Variants in COL14A1 observed in about 807,000 individuals in gnomAD.
COL14A1 encodes the protein collagen alpha-1(XIV) chain.
In COL14A1, 136 loss-of-function variants were observed where a neutral mutation model predicts 230.3. That is an observed-to-expected ratio of 0.59 (90% CI 0.51 to 0.68). COL14A1 has a LOEUF of 0.68. COL14A1 is among the 30% of genes least tolerant of loss of function. The pLI, the probability that COL14A1 is intolerant of heterozygous loss-of-function variation, is 0.00. For missense variants in COL14A1, 1,976 were observed against 2,215.8 expected (o/e 0.89, Z 2.17); for synonymous variants, 792 against 784.1 (o/e 1.01, Z -0.17).
chr8:120,265,865 C>T (rs911916127), intron 24 of COL14A1, among the ~76,000 whole-genome samples: 1 of 151,864 alleles, frequency 6.6e-6, no homozygotes, highest in African/African-American at 2.4e-5. Context: ...ACCTCTTAGC[C>T]TTCCTGACAA....
rs1401389398 is a variant in COL14A1 at position 120,147,878 on chromosome 8, G to A, written c.36G>A (p.Leu12=). 4.3e-6 allele frequency: 7 copies of A among 1,613,862 alleles called. No individual in the cohort carries two copies. The highest frequency in any genetic ancestry group is 8.5e-7 in the Non-Finnish European group (1 of 1,179,964). The change falls in exon 2 of 48, where the codon TTG becomes TTA. Residue 12 remains leucine (L), a synonymous_variant. Transcript: ENST00000297848. ...TCCAGCGCAAGATGCGGTACTGGTT[G>A]CTTCCACCTTTTTTGGCAATTGTTT... ...KIFQRKMRYW[L]LPPFLAIVYF... is the part of the protein sequence containing the mutation.
chr8:120,351,298 A>T (rs1212372577), intron 45 of COL14A1, among the ~76,000 whole-genome samples: 3 of 142,708 alleles, frequency 2.1e-5, no homozygotes, highest in Non-Finnish European at 4.6e-5. Flanking sequence ...AAGATCCAAA[A>T]TTGACACCCT....
chr8:120,345,912 C>G (rs1822493509), intron 45 of COL14A1, among the ~76,000 whole-genome samples: 1 of 152,202 alleles, frequency 6.6e-6, no homozygotes, highest in South Asian at 2.1e-4. Flanking sequence ...ATGCCGCCCT[C>G]TGACCAAACA....
intron 30 of COL14A1, 71 bp downstream of exon 30, chr8:120,280,820 T>G (rs1820012004): frequency 6.5e-7 from 1 of 1,539,194 alleles, no homozygotes; most frequent in African/African-American, 1.4e-5. Context: ...GGGGTTTCTG[T>G]TTTTGTTTTT....
At chr8:120,205,043 G>T (rs900325892) in intron 9 of COL14A1, among the ~76,000 whole-genome samples, 1 of 152,142 alleles carries the variant, frequency 6.6e-6, no homozygotes, top group Non-Finnish European at 1.5e-5. Flanking sequence ...GCCAAAAAAG[G>T]CTGGAATTTT....
intron 36 of COL14A1, among the ~76,000 whole-genome samples, chr8:120,307,706 C>T (rs1820895917): frequency 1.3e-5 from 2 of 151,882 alleles, no homozygotes; most frequent in African/African-American, 4.8e-5. Context: ...AAAATTAGAA[C>T]AAGAATAAGG....
At chr8:120,152,054 C>T (rs1160537540) in intron 2 of COL14A1, among the ~76,000 whole-genome samples, 1 of 151,970 alleles carries the variant, frequency 6.6e-6, no homozygotes, top group Non-Finnish European at 1.5e-5. Context: ...CCTTTTAGCC[C>T]GGTGAGATTG....
intron 2 of COL14A1, among the ~76,000 whole-genome samples, chr8:120,156,844 T>C (rs935403544): frequency 6.6e-6 from 1 of 152,188 alleles, no homozygotes; most frequent in South Asian, 2.1e-4. Flanking sequence ...ATTAGCTAAG[T>C]GGTAGAACCA....
At chr8:120,169,198 C>T (rs1023720744) in intron 5 of COL14A1, among the ~76,000 whole-genome samples, 4 of 152,138 alleles carry the variant, frequency 2.6e-5, no homozygotes, top group African/African-American at 9.7e-5. Context: ...GTCTAATTTT[C>T]ACTATCACAA....
chr8:120,300,712 C>T lies in COL14A1; in HGVS notation c.4315-20C>T. 6.3e-7 allele frequency: 1 copy of T among 1,597,640 alleles called. No homozygotes were observed. Among genetic ancestry groups the T allele is most frequent in the Non-Finnish European group, 8.6e-7 (1 of 1,168,242 alleles). On this transcript the variant is annotated intron_variant, in intron 35 of 47. Coordinates refer to ENST00000297848, the MANE Select transcript of COL14A1 (RefSeq NM_021110.4). ...ATAAACTGGCATGCTAATGGTTGTGCTTTTTTTGTTTCTTTTCAGAGAGAT... is the reference window on the plus strand; with the variant it reads ...ATAAACTGGCATGCTAATGGTTGTGTTTTTTTTGTTTCTTTTCAGAGAGAT...
chr8:120,342,447 G>GT lies in COL14A1; in HGVS notation c.4888+2dup, dbSNP rs772048724. On this transcript the variant is annotated splice_donor_variant, in intron 44 of 47. Coordinates refer to ENST00000297848, the MANE Select transcript of COL14A1 (RefSeq NM_021110.4). LOFTEE classifies it high-confidence loss of function. ...CAAGTATGCGAACAGCTCATCCAGA[G>GT]TAAGTATGTAATGGTTACGGAGGAT... 1 of 1,613,676 alleles carries GT rather than the reference G, an allele frequency of 6.2e-7. No individual in the cohort carries two copies. Among genetic ancestry groups the GT allele is most frequent in the Non-Finnish European group, 8.5e-7 (1 of 1,179,646 alleles).
In COL14A1 at chr8:120,304,206, G is replaced by A. The variant is rs552745596; in HGVS notation, c.4401+3388G>A. The stretch of plus-strand genomic sequence containing the variant: ...AAAAAACTAACTAACTACTGGATTC[G>A]TTGTCTTTTGAATATTTTTTCATGT... On this transcript the variant is annotated intron_variant, in intron 36 of 47. Coordinates refer to ENST00000297848, the MANE Select transcript of COL14A1 (RefSeq NM_021110.4). Among the ~76,000 whole-genome samples the A allele has an allele frequency of 4.1e-4, 63 of 151,992 alleles. 1 individual carries two copies. The South Asian group carries it at 0.012, about 28-fold the overall frequency.
intron 5 of COL14A1, among the ~76,000 whole-genome samples, chr8:120,183,759 C>T (rs1044317819): frequency 6.6e-6 from 1 of 152,168 alleles, no homozygotes; most frequent in Non-Finnish European, 1.5e-5. Context: ...TGTTATTCAT[C>T]CCAGGTCGAA....
At chr8:120,286,425 A>G (rs1288057544) in intron 33 of COL14A1, among the ~76,000 whole-genome samples, 2 of 152,246 alleles carry the variant, frequency 1.3e-5, no homozygotes, top group Non-Finnish European at 2.9e-5. Context: ...AGTGCAATCC[A>G]TCACTGTCAT....
At chr8:120,216,163 T>C (rs1180409617) in intron 13 of COL14A1, among the ~76,000 whole-genome samples, 188 bp from the exon 14 acceptor site, 3 of 152,200 alleles carry the variant, frequency 2.0e-5, no homozygotes, top group African/African-American at 7.2e-5. Flanking sequence ...CAAAGAAAAC[T>C]TTTTTCTTTG....
Position 120,231,429 on chromosome 8 carries a change from G to T in COL14A1, c.2198-38G>T, listed in dbSNP as rs1036803543. The T allele has an allele frequency of 6.9e-6, 11 of 1,603,128 alleles. No homozygotes were observed. The Admixed American group carries it at 1.9e-4, about 27-fold the overall frequency. On this transcript the variant is annotated intron_variant, in intron 18 of 47. Transcript: ENST00000297848. The stretch of plus-strand genomic sequence containing the variant: ...TGTGGCTCATTTTGGAATATGATAT[G>T]TTAAAAGTTTTTTAATCCTTGGTTG...
At chr8:120,234,784 T>C (rs1818386435) in intron 19 of COL14A1, among the ~76,000 whole-genome samples, 1 of 152,178 alleles carries the variant, frequency 6.6e-6, no homozygotes, top group South Asian at 2.1e-4. Flanking sequence ...CTTTTTTTGT[T>C]GTGTCTCTGC....
chr8:120,356,887 C>T (rs1048018291), intron 45 of COL14A1, among the ~76,000 whole-genome samples: 11 of 152,264 alleles, frequency 7.2e-5, no homozygotes, highest in African/African-American at 2.6e-4. Flanking sequence ...CCCTTCAGAA[C>T]AAGACCTTTA....
chr8:120,311,722 T>A (rs1284040312), intron 37 of COL14A1, among the ~76,000 whole-genome samples: 1 of 152,168 alleles, frequency 6.6e-6, no homozygotes, highest in Non-Finnish European at 1.5e-5. Flanking sequence ...CTCCTAGTCA[T>A]TTTTGCCTCA....
Sources: allele counts gnomAD v4.1 joint callset (sites outside exome capture counted in the v4.1 genomes callset), GRCh38; gene constraint gnomAD v4.1.1; transcripts MANE v1.5; gene names NCBI Gene and HGNC (gene_info 2026-07-23, HGNC 2026-07-21).